Variants in ENTREP2 observed in about 807,000 individuals in gnomAD.
The protein encoded by ENTREP2 is protein ENTREP2.
the ENTREP2 span, among the ~76,000 whole-genome samples, chr15:29,307,124 C>G: frequency 1.3e-5 from 2 of 152,120 alleles, no homozygotes; most frequent in Non-Finnish European, 2.9e-5. Flanking sequence ...CTCTAGCTTT[C>G]TGTAACTAAA....
chr15:29,345,535 G>A, the ENTREP2 span, among the ~76,000 whole-genome samples: 16 of 152,052 alleles, frequency 1.1e-4, no homozygotes, highest in East Asian at 1.2e-3. Flanking sequence ...GAGAGTTGAT[G>A]CCCCCAGAGG....
At chr15:29,598,769 T>A in the ENTREP2 span, among the ~76,000 whole-genome samples, 4 of 152,188 alleles carry the variant, frequency 2.6e-5, no homozygotes, top group Non-Finnish European at 5.9e-5. Context: ...TGATCTTGGC[T>A]CACTGCAAGC....
At chr15:29,163,792 T>G in the ENTREP2 span, among the ~76,000 whole-genome samples, 1 of 152,190 alleles carries the variant, frequency 6.6e-6, no homozygotes, top group Non-Finnish European at 1.5e-5. Flanking sequence ...GACCTAGCTA[T>G]CCAAGTGCAA....
chr15:29,175,801 T>A, the ENTREP2 span, among the ~76,000 whole-genome samples: 1 of 152,138 alleles, frequency 6.6e-6, no homozygotes, highest in Non-Finnish European at 1.5e-5. Context: ...AGAGACGGGG[T>A]TTCACCATGT....
chr15:29,625,937 C>T, the ENTREP2 span, among the ~76,000 whole-genome samples: 6 of 152,184 alleles, frequency 3.9e-5, no homozygotes, highest in Admixed American at 3.3e-4. Flanking sequence ...ACCTCCGCCT[C>T]CCTCGTTCAA....
chr15:29,187,080 T>C, the ENTREP2 span, among the ~76,000 whole-genome samples: 1 of 152,136 alleles, frequency 6.6e-6, no homozygotes, highest in South Asian at 2.1e-4. Flanking sequence ...ACCGTTCTTT[T>C]CCTATAGCTA....
At chr15:29,629,077 T>A in the ENTREP2 span, among the ~76,000 whole-genome samples, 3 of 152,142 alleles carry the variant, frequency 2.0e-5, no homozygotes, top group African/African-American at 7.2e-5. Context: ...CATTATGTAA[T>A]GTCCCTGGTA....
the ENTREP2 span, among the ~76,000 whole-genome samples, chr15:29,557,677 A>T: frequency 2.0e-5 from 3 of 152,300 alleles, no homozygotes; most frequent in East Asian, 3.9e-4. Flanking sequence ...ATCTGGGGCC[A>T]AAAAGGAATA....
the ENTREP2 span, among the ~76,000 whole-genome samples, chr15:29,177,973 TA>T: frequency 6.6e-6 from 1 of 151,926 alleles, no homozygotes; most frequent in Non-Finnish European, 1.5e-5. Flanking sequence ...TTAAAGTGCC[TA>T]AAAATACTCA....
At chr15:29,440,102 A>C in the ENTREP2 span, among the ~76,000 whole-genome samples, 1 of 152,224 alleles carries the variant, frequency 6.6e-6, no homozygotes, top group Non-Finnish European at 1.5e-5. Flanking sequence ...AAGACTGAGA[A>C]ACTGAGATTA....
chr15:29,162,969 C>T, the ENTREP2 span, among the ~76,000 whole-genome samples: 3 of 152,296 alleles, frequency 2.0e-5, no homozygotes, highest in South Asian at 2.1e-4. Context: ...GACCCATAGA[C>T]GGTTCACATC....
At chr15:29,490,957 C>T in the ENTREP2 span, among the ~76,000 whole-genome samples, 15 of 152,282 alleles carry the variant, frequency 9.9e-5, no homozygotes, top group Middle Eastern at 3.4e-3. Context: ...GCAGGAGGCT[C>T]GGGCAGCACG....
the ENTREP2 span, among the ~76,000 whole-genome samples, chr15:29,210,745 G>A: frequency 6.6e-6 from 1 of 152,142 alleles, no homozygotes; most frequent in Non-Finnish European, 1.5e-5. Context: ...GGTCTTGCCT[G>A]GGTAGCATGG....
chr15:29,492,057 T>C, the ENTREP2 span, among the ~76,000 whole-genome samples: 2 of 136,824 alleles, frequency 1.5e-5, no homozygotes, highest in Non-Finnish European at 3.1e-5. Context: ...TTTCTACTGT[T>C]GGTTTGATTT....
chr15:29,214,530 G>T, the ENTREP2 span, among the ~76,000 whole-genome samples: 1 of 152,112 alleles, frequency 6.6e-6, no homozygotes, highest in Admixed American at 6.5e-5. Flanking sequence ...ACACACCAGG[G>T]CCTGTTGTGG....
the ENTREP2 span, among the ~76,000 whole-genome samples, chr15:29,595,096 AAT>A: frequency 0.055 from 6,795 of 124,642 alleles, 346 homozygotes; most frequent in Non-Finnish European, 0.086. Flanking sequence ...AAAAAAAAAA[AAT>A]TTAAAATTAG....
At chr15:29,319,677 G>A in the ENTREP2 span, among the ~76,000 whole-genome samples, 5 of 152,180 alleles carry the variant, frequency 3.3e-5, no homozygotes, top group African/African-American at 1.2e-4. Flanking sequence ...ACCTTTCTTG[G>A]ACCCCTCAGA....
At chr15:29,124,580 G>C in the ENTREP2 span, 2 of 892,606 alleles carry the variant, frequency 2.2e-6, no homozygotes, top group East Asian at 5.4e-5. Context: ...ATTCCCGGGG[G>C]TGGGGTGAGG....
the ENTREP2 span, chr15:29,268,756 G>A: frequency 6.4e-7 from 1 of 1,563,868 alleles, no homozygotes; most frequent in Admixed American, 1.9e-5. Context: ...TTGGGTCTCA[G>A]ACCCTTGTCC....
Sources: gnomAD v4.1 joint callset for allele counts (sites outside exome capture counted in the v4.1 genomes callset) on GRCh38, gnomAD v4.1.1 for gene constraint, MANE v1.5 for transcripts, NCBI Gene and HGNC (gene_info 2026-07-23, HGNC 2026-07-21) for gene names.